The following DRD4 variants were observed in gnomAD, a reference collection of about 807,000 sequenced individuals.
DRD4 encodes dopamine receptor D4, also known as D(4) dopamine receptor.
In DRD4, 26 loss-of-function variants were observed where a neutral mutation model predicts 22.1. The observed-to-expected ratio is 1.17, with a 90% CI of 0.86 to 1.63. DRD4 has a LOEUF of 1.63. Among genes scored for constraint, DRD4 ranks in the 40% most tolerant of loss-of-function variants. DRD4 has a pLI of 0.00. For missense variants in DRD4, 913 were observed against 632.4 expected (o/e 1.44, Z -4.76); for synonymous variants, 455 against 306.7 (o/e 1.48, Z -5.05).
rs1161883974 is a variant in DRD4, at chr11:637,391, G to A, written c.87G>A (p.Gly29=). Residue 29 remains glycine (G), a synonymous_variant, in exon 1 of 4, where the codon GGG becomes GGA. Transcript: ENST00000176183. ...GGGCATCTGCGGGGGCATCTGCGGG[G>A]CTGGCTGGGCAGGGCGCGGCGGCGC... ...AAGASAGASA[G]LAGQGAAALV... The A allele has an allele frequency of 2.1e-6, 3 of 1,446,188 alleles. No homozygotes were observed. The highest frequency in any genetic ancestry group is 1.5e-5 in the African/African-American group (1 of 67,472). 89.6% of individuals were successfully genotyped at this position (1,446,188 alleles called of 1,614,324 possible).
At chr11:639,394 T>G in intron 1 of DRD4, 39 bp from the exon 2 acceptor site, 3 of 1,542,470 alleles carry the variant, frequency 1.9e-6, no homozygotes, top group Non-Finnish European at 2.6e-6. Flanking sequence ...GGGCCCGCGG[T>G]GGCTGGGAAA....
Position 637,539 on chromosome 11 carries a change from G to C in DRD4, c.235G>C (p.Ala79Pro). The C allele has an allele frequency of 6.6e-7, 1 of 1,524,868 alleles. No homozygotes were observed. Among genetic ancestry groups the C allele is most frequent in the Non-Finnish European group, 8.9e-7 (1 of 1,126,778 alleles). 94.5% of individuals were successfully genotyped at this position (1,524,868 alleles called of 1,614,324 possible). A position where few individuals can be genotyped will look rare whatever the true frequency, so the allele number is the denominator to read the frequency against. ...TNSFIVSLAA[A>P]DLLLALLVLP... ...CTCCTTCATCGTGAGCCTGGCGGCC[G>C]CCGACCTCCTCCTCGCTCTCCTGGT... Residue 79 changes from alanine to proline, a missense_variant, in exon 1 of 4, where the codon GCC (alanine) becomes CCC (proline). Physicochemically the swap from Ala to Pro is conservative, Grantham distance 27. Coordinates refer to ENST00000176183, the MANE Select transcript of DRD4 (RefSeq NM_000797.4).
chr11:639,871 A>G lies in DRD4; in HGVS notation c.622A>G (p.Met208Val). The G allele has an allele frequency of 6.4e-7, 1 of 1,565,286 alleles. No homozygotes were observed. Among genetic ancestry groups the G allele is most frequent in the Non-Finnish European group, 8.6e-7 (1 of 1,160,806 alleles). The change falls in exon 3 of 4, where the codon ATG (methionine) becomes GTG (valine). Residue 208 changes from methionine to valine, a missense_variant. Physicochemically the swap from Met to Val is conservative, Grantham distance 21. Transcript: ENST00000176183. Reference protein sequence around the residue: ...VCSFFLPCPLMLLLYWATFRG... With the variant: ...VCSFFLPCPLVLLLYWATFRG... ...CTCCTTCTTCCTACCCTGCCCGCTC[A>G]TGCTGCTGCTCTACTGGGCCACGTT...
In DRD4 at chr11:640,657, G is replaced by A. The variant is rs1327079845; in HGVS notation, c.*54G>A. 1.3e-6 allele frequency: 2 copies of A among 1,587,102 alleles called. No homozygotes were observed. The highest frequency in any genetic ancestry group is 1.7e-6 in the Non-Finnish European group (2 of 1,169,776). On this transcript the variant is annotated 3_prime_UTR_variant, in exon 4 of 4. Coordinates refer to ENST00000176183, the MANE Select transcript of DRD4 (RefSeq NM_000797.4). ...TGATGGCCAGGCCTCAGGGACCAAGGAGATGGGGAGGGCGCTTTTGTACGT... is the reference window on the plus strand; with the variant it reads ...TGATGGCCAGGCCTCAGGGACCAAGAAGATGGGGAGGGCGCTTTTGTACGT...
rs1190230406 is a variant in DRD4, at chr11:640,468, CT to C, written c.1126del (p.Ser376ProfsTer55). Reference protein sequence around the residue: ...HITQALCPACSVPPRLVSAVT... With the variant: ...HITQALCPACXVPPRLVSAVT... ...TCACGCAGGCGCTGTGTCCTGCCTG[CT>C]CCGTGCCCCCGCGGCTGGTCAGCGC... On this transcript the variant is annotated frameshift_variant, in exon 4 of 4. Transcript: ENST00000176183. LOFTEE classifies it low-confidence loss of function (END_TRUNC). The C allele has an allele frequency of 2.5e-6, 4 of 1,602,108 alleles. No individual in the cohort carries two copies. The highest frequency in any genetic ancestry group is 1.7e-6 in the Non-Finnish European group (2 of 1,179,820).
Position 637,469 on chromosome 11 carries a change from G to A in DRD4, c.165G>A (p.Val55=). ...IGAVLAGNSL[V]CVSVATERAL... ...CGGTGCTCGCGGGGAACTCGCTCGT[G>A]TGCGTGAGCGTGGCCACCGAGCGCG... Residue 55 remains valine, a synonymous_variant, in exon 1 of 4, where the codon GTG becomes GTA. Transcript: ENST00000176183. The A allele has an allele frequency of 6.5e-7, 1 of 1,538,320 alleles. No individual in the cohort carries two copies. Among genetic ancestry groups the A allele is most frequent in the Non-Finnish European group, 8.7e-7 (1 of 1,147,782 alleles).
chr11:640,184 C>T lies in DRD4; in HGVS notation c.935C>T (p.Pro312Leu), dbSNP rs1858194895. ...GACCCCTGCGGCTCCAACTGTGCTCCCCCCGACGCCGTCAGAGCCGCCGCG... is the reference window on the plus strand; with the variant it reads ...GACCCCTGCGGCTCCAACTGTGCTCTCCCCGACGCCGTCAGAGCCGCCGCG... ...PPDPCGSNCA[P>L]PDAVRAAALP... Residue 312 changes from proline to leucine, a missense_variant, in exon 3 of 4, where the codon CCC (proline) becomes CTC (leucine). Transcript: ENST00000176183. The T allele has an allele frequency of 6.5e-7, 1 of 1,530,950 alleles. No individual in the cohort carries two copies. Among genetic ancestry groups the T allele is most frequent in the Non-Finnish European group, 8.7e-7 (1 of 1,145,216 alleles). The allele number at this position is 1,530,950 out of a possible 1,614,324, so 94.8% of individuals were successfully genotyped here. A position where few individuals can be genotyped will look rare whatever the true frequency, so the allele number is the denominator to read the frequency against.
Position 639,822 on chromosome 11 carries a change from C to G in DRD4, c.573C>G (p.Asp191Glu), listed in dbSNP as rs1345793074. ...CCGTGTGCCGCCTGGAGGACCGCGA[C>G]TACGTGGTCTACTCGTCCGTGTGCT... The part of the protein sequence containing the change: ...DPAVCRLEDR[D>E]YVVYSSVCSF... The change falls in exon 3 of 4, where the codon GAC becomes GAG. Residue 191 changes from aspartate (D) to glutamate (E), a missense_variant. Asp to Glu is a conservative substitution (Grantham distance 45). Transcript: ENST00000176183. 6.3e-7 allele frequency: 1 copy of G among 1,583,572 alleles called. No homozygotes were observed. The highest frequency in any genetic ancestry group is 8.5e-7 in the Non-Finnish European group (1 of 1,172,816).
intron 1 of DRD4, among the ~76,000 whole-genome samples, chr11:638,576 TATG>T (rs985771548): frequency 7.1e-4 from 108 of 152,258 alleles, no homozygotes; most frequent in African/African-American, 2.6e-3. Context: ...TCAAGACAAT[TATG>T]ATGTGGATAC....
rs1564914500 is a variant in DRD4 at position 640,481 on chromosome 11, C to T, written c.1138C>T (p.Arg380Trp). ...ALCPACSVPP[R>W]LVSAVTWLGY... is the part of the protein sequence containing the mutation. ...GTGTCCTGCCTGCTCCGTGCCCCCGCGGCTGGTCAGCGCCGTCACCTGGCT... is the reference window on the plus strand; with the variant it reads ...GTGTCCTGCCTGCTCCGTGCCCCCGTGGCTGGTCAGCGCCGTCACCTGGCT... The change falls in exon 4 of 4, where the codon CGG (arginine) becomes TGG (tryptophan). Residue 380 changes from arginine to tryptophan, a missense_variant. Transcript: ENST00000176183. The T allele has an allele frequency of 5.0e-6, 8 of 1,602,166 alleles. No homozygotes were observed. Among genetic ancestry groups the T allele is most frequent in the Admixed American group, 1.7e-5 (1 of 59,998 alleles).
At position 639,696 on chromosome 11, in the gene DRD4, C is replaced by G. The variant is rs1858159954; in HGVS notation, c.447C>G (p.Ser149Arg). ...TGCGCTACAACCGGCAGGGTGGGAGCCGCCGGCAGCTGCTGCTCATCGGCG... is the reference window on the plus strand; with the variant it reads ...TGCGCTACAACCGGCAGGGTGGGAGGCGCCGGCAGCTGCTGCTCATCGGCG... Reference protein sequence around the residue: ...VPLRYNRQGGSRRQLLLIGAT... With the variant: ...VPLRYNRQGGRRRQLLLIGAT... Residue 149 changes from serine (S) to arginine (R), a missense_variant, in exon 3 of 4, where the codon AGC (serine) becomes AGG (arginine). Physicochemically the swap from Ser to Arg is moderately radical, Grantham distance 110. Coordinates refer to ENST00000176183, the MANE Select transcript of DRD4 (RefSeq NM_000797.4). 3 of 1,480,656 alleles carry G rather than the reference C, an allele frequency of 2.0e-6. No homozygotes were observed. Among genetic ancestry groups the G allele is most frequent in the African/African-American group, 2.9e-5 (2 of 68,368 alleles). The allele number at this position is 1,480,656 out of a possible 1,614,324, so 91.7% of individuals were successfully genotyped here.
intron 1 of DRD4, 56 bp from the exon 2 acceptor site, chr11:639,377 G>A: frequency 6.7e-7 from 1 of 1,498,354 alleles, no homozygotes; most frequent in Non-Finnish European, 9.0e-7. Context: ...GTGGGGGCGG[G>A]TCACAAGGGC....
At chr11:638,197 C>T (rs1858111353) in intron 1 of DRD4, among the ~76,000 whole-genome samples, 1 of 152,218 alleles carries the variant, frequency 6.6e-6, no homozygotes, top group Non-Finnish European at 1.5e-5. Flanking sequence ...CCACACTCCA[C>T]ACCAGGTCTG....
chr11:637,986 GACACAC>G (rs67940799), intron 1 of DRD4, among the ~76,000 whole-genome samples: 3 of 151,618 alleles, frequency 2.0e-5, no homozygotes, highest in Admixed American at 6.6e-5. Context: ...GCTGCCGTGG[GACACAC>G]ACACACACAC....
Position 639,462 on chromosome 11 carries a change from C to G in DRD4, c.315C>G (p.Pro105=). Residue 105 remains proline, a synonymous_variant, in exon 2 of 4, where the codon CCC becomes CCG. Coordinates refer to ENST00000176183, the MANE Select transcript of DRD4 (RefSeq NM_000797.4). Reference sequence around the variant, plus strand: ...AGGGTGGCGCGTGGCTGCTGAGCCCCCGCCTGTGCGACGCCCTCATGGCCA... The same window carrying G: ...AGGGTGGCGCGTGGCTGCTGAGCCCGCGCCTGTGCGACGCCCTCATGGCCA... ...EVQGGAWLLS[P]RLCDALMAMD... 7 of 1,600,766 alleles carry G rather than the reference C, an allele frequency of 4.4e-6. No individual in the cohort carries two copies. Among genetic ancestry groups the G allele is most frequent in the Non-Finnish European group, 5.9e-6 (7 of 1,178,592 alleles).
In DRD4 at chr11:639,924, A is replaced by G; in HGVS notation, c.675A>G (p.Ala225=). The change falls in exon 3 of 4, where the codon GCA becomes GCG. Residue 225 remains alanine, a synonymous_variant. Transcript: ENST00000176183. ...TFRGLQRWEV[A]RRAKLHGRAP... ...GCGGCCTGCAGCGCTGGGAGGTGGC[A>G]CGTCGCGCCAAGCTGCACGGCCGCG... 6.5e-7 allele frequency: 1 copy of G among 1,546,682 alleles called. No individual in the cohort carries two copies. Among genetic ancestry groups the G allele is most frequent in the Non-Finnish European group, 8.7e-7 (1 of 1,155,354 alleles).
At chr11:638,161 C>CCT (rs1224541170) in intron 1 of DRD4, among the ~76,000 whole-genome samples, 2 of 152,156 alleles carry the variant, frequency 1.3e-5, no homozygotes, top group East Asian at 3.9e-4. Context: ...TGGGGGGAAG[C>CCT]CTGAGGGGGA....
Position 639,493 on chromosome 11 carries a change from G to T in DRD4, c.346G>T (p.Val116Phe), listed in dbSNP as rs757021961. Residue 116 changes from valine to phenylalanine, a missense_variant, in exon 2 of 4, where the codon GTC becomes TTC. Physicochemically the swap from Val to Phe is conservative, Grantham distance 50 (BLOSUM62 -1). Transcript: ENST00000176183. ...GTGCGACGCCCTCATGGCCATGGAC[G>T]TCATGCTGTGCACCGCCTCCATCTT... ...RLCDALMAMD[V>F]MLCTASIFNL... 1 of 1,603,702 alleles carries T rather than the reference G, an allele frequency of 6.2e-7. No individual in the cohort carries two copies. The highest frequency in any genetic ancestry group is 1.3e-5 in the African/African-American group (1 of 74,968).
Position 640,474 on chromosome 11 carries a change from GC to G in DRD4, c.1136del (p.Pro379ArgfsTer52). On this transcript the variant is annotated frameshift_variant, in exon 4 of 4. Transcript: ENST00000176183. LOFTEE classifies it high-confidence loss of function. ...AGGCGCTGTGTCCTGCCTGCTCCGT[GC>G]CCCCGCGGCTGGTCAGCGCCGTCAC... ...TQALCPACSV[P>X]PRLVSAVTWL... is the part of the protein sequence containing the mutation. 6.2e-7 allele frequency: 1 copy of G among 1,602,220 alleles called. No homozygotes were observed.
Sources: gnomAD v4.1 joint callset for allele counts (sites outside exome capture counted in the v4.1 genomes callset) on GRCh38, gnomAD v4.1.1 for gene constraint, MANE v1.5 for transcripts, NCBI Gene and HGNC (gene_info 2026-07-23, HGNC 2026-07-21) for gene names.